Variants in PITPNM2 observed in about 807,000 individuals in gnomAD.
PITPNM2 encodes the protein membrane-associated phosphatidylinositol transfer protein 2.
In PITPNM2, 35 loss-of-function variants were observed where a neutral mutation model predicts 132.2. The observed-to-expected ratio is 0.26, with a 90% confidence interval of 0.20 to 0.35. The LOEUF is 0.35. Among genes scored for constraint, PITPNM2 ranks in the 10% least tolerant of loss-of-function variants. The pLI, the probability that PITPNM2 is intolerant of heterozygous loss-of-function variation, is 1.00. For synonymous variants in PITPNM2, 738 were observed against 799.2 expected (o/e 0.92, Z 1.29); for missense variants, 1,332 against 1,912.0 (o/e 0.70, Z 5.66).
chr12:122,990,049 A>G (rs982639557), intron 17 of PITPNM2, 101 bp from the exon 18 acceptor site: 3 of 1,033,546 alleles, frequency 2.9e-6, no homozygotes, highest in Non-Finnish European at 3.8e-6. Context: ...CCAGGCCTGG[A>G]GCTATCAAGG....
In PITPNM2 at chr12:123,097,001, C is replaced by T. The variant is rs1033006339; in HGVS notation, c.-96+13384G>A. Among the ~76,000 whole-genome samples, 1 of 152,090 alleles carries T rather than the reference C, an allele frequency of 6.6e-6. No homozygotes were observed. Among genetic ancestry groups the T allele is most frequent in the African/African-American group, 2.4e-5 (1 of 41,424 alleles). On this transcript the variant is annotated intron_variant, in intron 2 of 25. Coordinates refer to ENST00000320201, the MANE Select transcript of PITPNM2 (RefSeq NM_020845.3). The surrounding 1 kb of genome is among the most constrained non-coding windows in gnomAD (Gnocchi z 4.7). ...GACTCCCCAGAGTGGGGCCACCCTG[C>T]CATCTCTCTTTATTTTTATTATTAT...
rs931781801 is a variant in PITPNM2 at position 123,150,638 on chromosome 12, C to A, written c.-200+115G>T. ...CCCGGCGGGCTGGAGGCTCGGCGGG[C>A]GGGCGGGCCGGGGCCTCTCTGGGAG... On this transcript the variant is annotated intron_variant, in intron 1 of 25. Coordinates refer to ENST00000320201, the MANE Select transcript of PITPNM2 (RefSeq NM_020845.3). This position sits in a 1 kb window ranked among gnomAD's most constrained non-coding sequence, Gnocchi z 6.0. Among the ~76,000 whole-genome samples, 1 of 143,346 alleles carries A rather than the reference C, an allele frequency of 7.0e-6. No individual in the cohort carries two copies. Among genetic ancestry groups the A allele is most frequent in the African/African-American group, 2.6e-5 (1 of 38,826 alleles). 94.0% of individuals were successfully genotyped at this position (143,346 alleles called of 152,430 possible). A position where few individuals can be genotyped will look rare whatever the true frequency, so the allele number is the denominator to read the frequency against.
intron 19 of PITPNM2, 136 bp downstream of exon 19, chr12:122,988,588 G>C: frequency 1.1e-6 from 1 of 949,174 alleles, no homozygotes; most frequent in Non-Finnish European, 1.6e-6. Flanking sequence ...CGAGCATAAA[G>C]GTGCCCTCAT....
In PITPNM2 at chr12:123,108,809, C is replaced by T. The variant is rs1262938540; in HGVS notation, c.-96+1576G>A. On this transcript the variant is annotated intron_variant, in intron 2 of 25. Coordinates refer to ENST00000320201, the MANE Select transcript of PITPNM2 (RefSeq NM_020845.3). This position sits in a 1 kb window ranked among gnomAD's most constrained non-coding sequence, Gnocchi z 4.4. ...TTAAGAGGCCCCATCACAACGTGCC[C>T]TATCTTCCCAGCAAGGATGAGGGCA... 2.0e-5 allele frequency among the ~76,000 whole-genome samples: 3 copies of T among 152,132 alleles called. No homozygotes were observed. Among genetic ancestry groups the T allele is most frequent in the African/African-American group, 7.2e-5 (3 of 41,432 alleles).
At chr12:123,107,660 C>A (rs1044455670) in intron 2 of PITPNM2, among the ~76,000 whole-genome samples, 7 of 152,184 alleles carry the variant, frequency 4.6e-5, no homozygotes, top group Non-Finnish European at 8.8e-5. Flanking sequence ...TACCAGGGCC[C>A]GGTGGTCACT....
intron 2 of PITPNM2, among the ~76,000 whole-genome samples, chr12:123,080,664 G>A (rs1434485957): frequency 6.6e-6 from 1 of 152,204 alleles, no homozygotes; most frequent in Non-Finnish European, 1.5e-5. Flanking sequence ...AGCTGGGCAG[G>A]GAGACACATG....
chr12:123,136,676 T>C (rs151309198), intron 1 of PITPNM2, among the ~76,000 whole-genome samples: 4,596 of 152,070 alleles, frequency 0.03, 245 homozygotes, highest in African/African-American at 0.1. Flanking sequence ...GGTGGGTGGA[T>C]CACGAGGTCA....
chr12:123,002,035 A>G (rs2038710220), intron 8 of PITPNM2, among the ~76,000 whole-genome samples: 2 of 151,744 alleles, frequency 1.3e-5, no homozygotes, highest in South Asian at 4.2e-4. Context: ...TTGTCTCAAA[A>G]AAAAAAAAAA....
chr12:123,128,648 G>A (rs1053263285), intron 1 of PITPNM2, among the ~76,000 whole-genome samples: 2 of 151,022 alleles, frequency 1.3e-5, no homozygotes, highest in East Asian at 3.9e-4. Context: ...AGCTACTCGG[G>A]AGACTGAGGC....
rs879198026 is a variant in PITPNM2, at chr12:122,992,507, G to C, written c.2396C>G (p.Thr799Arg). Reference sequence around the variant, plus strand: ...CGGAATGTGCCTCTCACCCAGCAGCGTGGAGCAGCCATCCCCCAGCGGGTA... The same window carrying C: ...CGGAATGTGCCTCTCACCCAGCAGCCTGGAGCAGCCATCCCCCAGCGGGTA... ...QRYPLGDGCS[T>R]LLADVLQTHN... Residue 799 changes from threonine to arginine, a missense_variant, in exon 16 of 26, where the codon ACG becomes AGG. This residue lies in a region of PITPNM2 where 710 missense variants were observed against 911.5 expected (regional missense o/e 0.78). Coordinates refer to ENST00000320201, the MANE Select transcript of PITPNM2 (RefSeq NM_020845.3). This position sits in a 1 kb window ranked among gnomAD's most constrained non-coding sequence, Gnocchi z 6.5. 1 of 1,610,530 alleles carries C rather than the reference G, an allele frequency of 6.2e-7. No individual in the cohort carries two copies. The highest frequency in any genetic ancestry group is 1.7e-5 in the Admixed American group (1 of 59,928).
At position 122,993,876 on chromosome 12, in the gene PITPNM2, TTTTTC is replaced by T. The variant is rs2136101967; in HGVS notation, c.2233+920_2233+924del. Among the ~76,000 whole-genome samples, 3 of 152,240 alleles carry T rather than the reference TTTTTC, an allele frequency of 2.0e-5. 1 individual carries two copies. In the South Asian group the frequency reaches 6.2e-4, roughly 32 times the overall value. On this transcript the variant is annotated intron_variant, in intron 15 of 25. Transcript: ENST00000320201. The surrounding 1 kb of genome is among the most constrained non-coding windows in gnomAD (Gnocchi z 5.2). ...CTGAGTCCAGAGGTCTGCATTTTTT[TTTTTC>T]TTTTTTTTTGAGACTGAGTTTCGCT... is the stretch of plus-strand genomic sequence containing the variant.
At chr12:123,075,692 C>G (rs2041763484) in intron 2 of PITPNM2, 1 of 152,276 alleles carries the variant, frequency 6.6e-6, no homozygotes, top group Non-Finnish European at 1.5e-5. Context: ...TGCTCTCACG[C>G]CCCCTGCGGC....
At chr12:123,019,015 C>A (rs967923732) in intron 3 of PITPNM2, among the ~76,000 whole-genome samples, 11 of 151,896 alleles carry the variant, frequency 7.2e-5, no homozygotes, top group African/African-American at 2.4e-4. Context: ...AACTCTTGAC[C>A]CCAAGTGATC....
intron 2 of PITPNM2, among the ~76,000 whole-genome samples, chr12:123,050,282 C>T (rs1342931110): frequency 6.6e-6 from 1 of 152,202 alleles, no homozygotes; most frequent in Non-Finnish European, 1.5e-5. Flanking sequence ...ATAACTACCA[C>T]CTCCTCTCAG....
intron 1 of PITPNM2, among the ~76,000 whole-genome samples, chr12:123,125,841 CA>C (rs555279923): frequency 0.62 from 31,803 of 51,396 alleles, 7,725 homozygotes; most frequent in African/African-American, 0.65. Flanking sequence ...GACTCTGTCT[CA>C]AAAAAAAAAA....
intron 3 of PITPNM2, among the ~76,000 whole-genome samples, chr12:123,028,547 G>A (rs1004920290): frequency 6.6e-6 from 1 of 152,212 alleles, no homozygotes; most frequent in East Asian, 1.9e-4. Context: ...CCCAGAGAAC[G>A]GGAAGGACTT....
intron 3 of PITPNM2, among the ~76,000 whole-genome samples, chr12:123,028,941 A>T (rs981944430): frequency 2.0e-5 from 3 of 152,168 alleles, no homozygotes; most frequent in Admixed American, 2.0e-4. Flanking sequence ...GGTGACAGGA[A>T]GGGCACAGGT....
At chr12:123,002,986 G>A (rs2038762570) in intron 8 of PITPNM2, among the ~76,000 whole-genome samples, 1 of 152,048 alleles carries the variant, frequency 6.6e-6, no homozygotes, top group South Asian at 2.1e-4. Context: ...CAATCCACCT[G>A]CCTCAGCCTC....
rs766975026 is a variant in PITPNM2, at chr12:123,005,469, G to C, written c.723C>G (p.Asn241Lys). 11 of 1,613,934 alleles carry C rather than the reference G, an allele frequency of 6.8e-6. No individual in the cohort carries two copies. The highest frequency in any genetic ancestry group is 2.7e-5 in the African/African-American group (2 of 74,894). The change falls in exon 7 of 26, where the codon AAC becomes AAG. Residue 241 changes from asparagine to lysine, a missense_variant. Asn to Lys is a moderately conservative substitution (Grantham distance 94). Around this residue, in one of 6 missense-constraint regions of PITPNM2, gnomAD observed 122 missense variants for 209.6 expected, o/e 0.58. Transcript: ENST00000320201. This position sits in a 1 kb window ranked among gnomAD's most constrained non-coding sequence, Gnocchi z 6.2. The part of the protein sequence containing the change: ...QDEWYGLSME[N>K]IRELEKEAQL... The stretch of plus-strand genomic sequence containing the variant: ...GTGCCTCCTTCTCCAGCTCCCGGAT[G>C]TTCTCCATGCTCAGCCCATACCACT...
Sources: gnomAD v4.1 joint callset for allele counts (sites outside exome capture counted in the v4.1 genomes callset) on GRCh38, gnomAD v4.1.1 for gene constraint, gnomAD v4.1.1 regional missense constraint, Gnocchi (gnomAD v3.1) non-coding constraint, MANE v1.5 for transcripts, NCBI Gene and HGNC (gene_info 2026-07-23, HGNC 2026-07-21) for gene names.